The following NDRG1 variants were observed in gnomAD, a reference collection of about 807,000 sequenced individuals.
NDRG1 encodes the protein N-myc downstream regulated 1, also known as protein NDRG1.
A neutral mutation model predicts 56.9 loss-of-function variants in NDRG1; 32 were observed. That is an observed-to-expected ratio of 0.56 (90% confidence interval 0.42 to 0.76). The LOEUF (loss-of-function observed/expected upper bound fraction) is 0.76, where lower values mean the gene tolerates loss of function less well. Ranked by LOEUF, NDRG1 falls within the 30% of genes least tolerant of loss-of-function variation. NDRG1 has a pLI of 0.00. For missense variants in NDRG1, 507 were observed against 545.7 expected (o/e 0.93, Z 0.71); for synonymous variants, 211 against 204.1 (o/e 1.03, Z -0.29).
intron 9 of NDRG1, 65 bp downstream of exon 9, chr8:133,254,474 G>A: frequency 6.3e-7 from 1 of 1,575,892 alleles, no homozygotes; most frequent in South Asian, 1.1e-5. Flanking sequence ...ATGGGGCCCT[G>A]TGCTGAGCAC....
At chr8:133,281,357 CAA>C (rs569886625) in intron 2 of NDRG1, among the ~76,000 whole-genome samples, 15 of 89,594 alleles carry the variant, frequency 1.7e-4, no homozygotes, top group Admixed American at 2.5e-4. Flanking sequence ...AACTCCGTCT[CAA>C]AAAAAAAAAA....
intron 3 of NDRG1, among the ~76,000 whole-genome samples, chr8:133,266,638 C>G (rs544296561): frequency 6.6e-6 from 1 of 152,354 alleles, no homozygotes; most frequent in Non-Finnish European, 1.5e-5. Context: ...GCCATCCACA[C>G]CCGCTGGTGA....
At chr8:133,239,386 T>C in intron 15 of NDRG1, 1 of 603,218 alleles carries the variant, frequency 1.7e-6, no homozygotes, top group Non-Finnish European at 2.9e-6. Context: ...CTGCCACCTG[T>C]TAAAAGCTGT....
At chr8:133,241,923 G>C (rs1855404229) in intron 15 of NDRG1, 100 bp downstream of exon 15, 2 of 1,394,510 alleles carry the variant, frequency 1.4e-6, no homozygotes, top group African/African-American at 1.4e-5. Flanking sequence ...AAGCTGGCCA[G>C]GGGGACACAG....
intron 4 of NDRG1, among the ~76,000 whole-genome samples, chr8:133,264,078 C>CA (rs749453744): frequency 0.015 from 2,253 of 149,424 alleles, 27 homozygotes; most frequent in Non-Finnish European, 0.023. Context: ...AAGCCAGTTA[C>CA]CAAAAAAAAA....
intron 9 of NDRG1, among the ~76,000 whole-genome samples, chr8:133,252,101 T>A (rs751017586): frequency 3.3e-5 from 5 of 152,172 alleles, no homozygotes; most frequent in African/African-American, 4.8e-5. Context: ...GTTTTCCTTT[T>A]TCTCTGTTTT....
chr8:133,255,552 C>T (rs1586432537), intron 8 of NDRG1: 2 of 331,302 alleles, frequency 6.0e-6, no homozygotes, highest in East Asian at 1.7e-4. Context: ...TCATGAAGCC[C>T]AGCGGGTTGA....
Position 133,264,556 on chromosome 8 carries a change from C to A in NDRG1, c.196G>T (p.Gly66Cys), listed in dbSNP as rs780329667. 1.2e-6 allele frequency: 2 copies of A among 1,613,968 alleles called. No homozygotes were observed. Among genetic ancestry groups the A allele is most frequent in the Non-Finnish European group, 1.7e-6 (2 of 1,179,946 alleles). ...RPVILTYHDI[G>C]MNHKTCYNPL... is the part of the protein sequence containing the mutation. ...GCTCCTCAGAACTTACGGTTCATGC[C>A]GATGTCATGGTAGGTGAGGATGACA... is the stretch of plus-strand genomic sequence containing the variant. The change falls in exon 4 of 16, where the codon GGC becomes TGC. Residue 66 changes from glycine to cysteine, a missense_variant. Coordinates refer to ENST00000323851, the MANE Select transcript of NDRG1 (RefSeq NM_006096.4).
chr8:133,246,780 G>C, intron 12 of NDRG1, 117 bp from the exon 13 acceptor site: 1 of 977,186 alleles, frequency 1.0e-6, no homozygotes, highest in South Asian at 1.3e-5. Context: ...TGCTGGCAAA[G>C]AAGAAAGTAT....
intron 10 of NDRG1, among the ~76,000 whole-genome samples, 169 bp from the exon 11 acceptor site, chr8:133,248,940 G>A (rs1285921458): frequency 1.3e-5 from 2 of 152,178 alleles, no homozygotes; most frequent in Admixed American, 6.5e-5. Flanking sequence ...CCCTCTTGGT[G>A]TCCACAGACC....
intron 1 of NDRG1, among the ~76,000 whole-genome samples, chr8:133,296,069 T>C (rs1478348839): frequency 6.6e-6 from 1 of 152,046 alleles, no homozygotes; most frequent in Admixed American, 6.5e-5. Context: ...CAGCTCCAGC[T>C]ACTAATTTGA....
intron 8 of NDRG1, chr8:133,255,739 C>T: frequency 5.7e-6 from 1 of 174,456 alleles, no homozygotes; most frequent in Non-Finnish European, 1.2e-5. Flanking sequence ...GGCAGGGCCC[C>T]TTCAAACCAT....
At chr8:133,270,670 G>A (rs548767353) in intron 3 of NDRG1, among the ~76,000 whole-genome samples, 6 of 152,332 alleles carry the variant, frequency 3.9e-5, no homozygotes, top group African/African-American at 1.4e-4. Flanking sequence ...AAAGCCGCAT[G>A]CTCAGGTGAC....
chr8:133,282,448 G>A (rs1195107991), intron 2 of NDRG1, among the ~76,000 whole-genome samples: 1 of 152,226 alleles, frequency 6.6e-6, no homozygotes, highest in East Asian at 1.9e-4. Context: ...ATGTTGAAAA[G>A]ATCTCCCAGA....
chr8:133,273,428 T>C (rs2977504), intron 3 of NDRG1, among the ~76,000 whole-genome samples: 101,072 of 151,934 alleles, frequency 0.67, 35,508 homozygotes, highest in East Asian at 1. Context: ...GGCGTGACAC[T>C]GGGCAAATCC....
At chr8:133,278,517 C>A (rs1018322517) in intron 3 of NDRG1, among the ~76,000 whole-genome samples, 3 of 152,178 alleles carry the variant, frequency 2.0e-5, no homozygotes, top group Admixed American at 6.5e-5. Context: ...CTGGCCAGGG[C>A]ATGGGAGAAG....
At chr8:133,249,089 G>T (rs1855866765) in intron 10 of NDRG1, among the ~76,000 whole-genome samples, 1 of 152,148 alleles carries the variant, frequency 6.6e-6, no homozygotes. Flanking sequence ...TGTCCCCCTA[G>T]TCAGAGCCCC....
chr8:133,247,919 C>A lies in NDRG1; in HGVS notation c.763G>T (p.Ala255Ser). The A allele has an allele frequency of 6.2e-7, 1 of 1,614,096 alleles. No homozygotes were observed. The change falls in exon 12 of 16, where the codon GCT becomes TCT. Residue 255 changes from alanine (A) to serine (S), a missense_variant. Coordinates refer to ENST00000323851, the MANE Select transcript of NDRG1 (RefSeq NM_006096.4). ...GTHTVTLQCPALLVVGDSSPA... is the reference protein window; with the variant it reads ...GTHTVTLQCPSLLVVGDSSPA... ...GAGCTGTCCCCAACCACCAACAGAGCAGGGCACCTGGGGTCAGGGATAGAG... is the reference window on the plus strand; with the variant it reads ...GAGCTGTCCCCAACCACCAACAGAGAAGGGCACCTGGGGTCAGGGATAGAG...
chr8:133,258,467 G>C, intron 6 of NDRG1, 41 bp from the exon 7 acceptor site: 1 of 1,584,724 alleles, frequency 6.3e-7, no homozygotes, highest in Non-Finnish European at 8.6e-7. Flanking sequence ...CAAGGACAGA[G>C]TGACGGGAGC....
Sources: allele counts gnomAD v4.1 joint callset (sites outside exome capture counted in the v4.1 genomes callset), GRCh38; gene constraint gnomAD v4.1.1; transcripts MANE v1.5; gene names NCBI Gene and HGNC (gene_info 2026-07-23, HGNC 2026-07-21).